CTNNA3: variants seen among roughly 807,000 people sequenced by gnomAD.
The protein encoded by CTNNA3 is catenin alpha 3, also known as catenin alpha-3.
CTNNA3 carries 76 observed loss-of-function variants against 95.7 expected under a neutral mutation model. The ratio of observed to expected loss-of-function variants is 0.79; its 90% CI spans 0.66 to 0.96. CTNNA3 has a LOEUF of 0.96. Among genes scored for constraint, CTNNA3 ranks in the 40% least tolerant of loss-of-function variants. The pLI, the probability that CTNNA3 is intolerant of heterozygous loss-of-function variation, is 0.00. For synonymous variants in CTNNA3, 431 were observed against 374.4 expected (o/e 1.15, Z -1.74); for missense variants, 1,191 against 1,089.8 (o/e 1.09, Z -1.31).
rs975851042 is a variant in CTNNA3, at chr10:67,725,956, A to C, written c.-2+37478T>G. ...ATATAATTATTTTTAGTATATGTATATATAATATATATGTAATATATACTA... is the reference window on the plus strand; with the variant it reads ...ATATAATTATTTTTAGTATATGTATCTATAATATATATGTAATATATACTA... On this transcript the variant is annotated intron_variant, in intron 1 of 17. Coordinates refer to the CTNNA3 transcript ENST00000684154. Among the ~76,000 whole-genome samples the C allele has an allele frequency of 2.3e-5, 3 of 132,928 alleles. No homozygotes were observed. In the East Asian group the frequency reaches 6.2e-4, roughly 28 times the overall value. 87.2% of individuals were successfully genotyped at this position (132,928 alleles called of 152,430 possible). A position where few individuals can be genotyped will look rare whatever the true frequency, so the allele number is the denominator to read the frequency against.
intron 9 of CTNNA3, among the ~76,000 whole-genome samples, chr10:66,653,898 T>G (rs966393071): frequency 6.6e-6 from 1 of 152,074 alleles, no homozygotes; most frequent in Non-Finnish European, 1.5e-5. Flanking sequence ...AATGGATATC[T>G]ACATGCAGAA....
intron 13 of CTNNA3, among the ~76,000 whole-genome samples, chr10:66,121,409 C>T (rs1324595200): frequency 6.6e-6 from 1 of 152,116 alleles, no homozygotes; most frequent in Non-Finnish European, 1.5e-5. Context: ...AAGCTCCAGA[C>T]TTTTAAAATT....
chr10:67,624,394 T>G (rs1843956226), intron 2 of CTNNA3, among the ~76,000 whole-genome samples: 1 of 152,166 alleles, frequency 6.6e-6, no homozygotes, highest in Admixed American at 6.5e-5. Context: ...CCAAGTCCAC[T>G]GAATTTCCCC....
chr10:65,983,029 G>T, intron 16 of CTNNA3, among the ~76,000 whole-genome samples: 1 of 151,512 alleles, frequency 6.6e-6, no homozygotes, highest in Non-Finnish European at 1.5e-5. Context: ...TATACTTGTA[G>T]GTTGTTTTGT....
chr10:67,743,957 A>G (rs981763716), intron 1 of CTNNA3, among the ~76,000 whole-genome samples: 4 of 151,216 alleles, frequency 2.6e-5, no homozygotes, highest in Admixed American at 1.3e-4. Context: ...GATGTGAAAG[A>G]CCTCCTCAAG....
upstream of CTNNA3, among the ~76,000 whole-genome samples, chr10:67,699,285 C>G (rs1841014755): frequency 6.6e-6 from 1 of 152,134 alleles, no homozygotes; most frequent in Non-Finnish European, 1.5e-5. Flanking sequence ...CATAATACTT[C>G]CCAAATGAGT....
At chr10:67,335,058 A>G (rs1841944172) in intron 5 of CTNNA3, among the ~76,000 whole-genome samples, 1 of 152,102 alleles carries the variant, frequency 6.6e-6, no homozygotes, top group African/African-American at 2.4e-5. Flanking sequence ...ACACACATTG[A>G]TGAGAAAAAA....
chr10:67,607,440 A>G (rs1447449922), intron 2 of CTNNA3, among the ~76,000 whole-genome samples: 1 of 152,228 alleles, frequency 6.6e-6, no homozygotes, highest in African/African-American at 2.4e-5. Flanking sequence ...AAAGGTCTTC[A>G]TCCTCATCAT....
chr10:66,374,008 T>C (rs1372193223), intron 12 of CTNNA3, among the ~76,000 whole-genome samples: 1 of 152,202 alleles, frequency 6.6e-6, no homozygotes, highest in Non-Finnish European at 1.5e-5. Context: ...GTTTTCCTCC[T>C]GAATTGGGAT....
At chr10:66,239,392 G>A (rs1320864912) in intron 13 of CTNNA3, among the ~76,000 whole-genome samples, 1 of 151,828 alleles carries the variant, frequency 6.6e-6, no homozygotes. Context: ...CTGCTCCCCA[G>A]TCTGGGGTAT....
intron 5 of CTNNA3, among the ~76,000 whole-genome samples, chr10:67,315,919 TATG>T (rs1244463437): frequency 6.6e-6 from 1 of 152,176 alleles, no homozygotes; most frequent in Non-Finnish European, 1.5e-5. Flanking sequence ...GCTCTGTTCC[TATG>T]ACCATCACTA....
intron 3 of CTNNA3, among the ~76,000 whole-genome samples, chr10:67,562,993 T>G (rs868023076): frequency 1.3e-5 from 2 of 148,530 alleles, no homozygotes; most frequent in African/African-American, 5.1e-5. Context: ...TAAAAGAGGA[T>G]ACAAACAAAT....
chr10:66,010,795 T>C (rs1347947179), intron 15 of CTNNA3, among the ~76,000 whole-genome samples: 4 of 152,174 alleles, frequency 2.6e-5, no homozygotes, highest in Admixed American at 1.3e-4. Context: ...AGGTTTCAGC[T>C]GTGACACACT....
At chr10:66,510,529 G>A (rs1840617320) in intron 11 of CTNNA3, among the ~76,000 whole-genome samples, 1 of 150,212 alleles carries the variant, frequency 6.7e-6, no homozygotes, top group Non-Finnish European at 1.5e-5. Flanking sequence ...TTAGCCATGG[G>A]TTTGTCATAT....
chr10:66,907,963 T>C (rs1004977609), intron 7 of CTNNA3, among the ~76,000 whole-genome samples: 6 of 152,308 alleles, frequency 3.9e-5, no homozygotes, highest in African/African-American at 1.4e-4. Flanking sequence ...ATGTATTTTG[T>C]AGAGAAGTTA....
At chr10:66,685,274 CGTATATATAAGTATATATAT>C (rs1847227878) in intron 9 of CTNNA3, among the ~76,000 whole-genome samples, 1 of 57,156 alleles carries the variant, frequency 1.7e-5, no homozygotes, top group African/African-American at 8.5e-5. Context: ...TGTATATATA[CGTATATATAAGTATATATAT>C]GTGTGTATAT....
At chr10:66,250,256 G>GT (rs895814231) in intron 13 of CTNNA3, among the ~76,000 whole-genome samples, 28 of 152,274 alleles carry the variant, frequency 1.8e-4, no homozygotes, top group African/African-American at 6.7e-4. Flanking sequence ...TAGAAGAATA[G>GT]TTACCAGAAG....
intron 3 of CTNNA3, among the ~76,000 whole-genome samples, chr10:67,593,338 T>C (rs1842841002): frequency 6.6e-6 from 1 of 152,154 alleles, no homozygotes; most frequent in South Asian, 2.1e-4. Flanking sequence ...TATATGTAAA[T>C]TGCTTTAGGC....
chr10:67,209,920 AAAAG>A (rs1864070544), intron 6 of CTNNA3, among the ~76,000 whole-genome samples: 1 of 152,108 alleles, frequency 6.6e-6, no homozygotes. Context: ...GAAAAACAGA[AAAAG>A]AGAGACTAAA....
Sources: gnomAD v4.1 joint callset for allele counts (sites outside exome capture counted in the v4.1 genomes callset) on GRCh38, gnomAD v4.1.1 for gene constraint, MANE v1.5 for transcripts, NCBI Gene and HGNC (gene_info 2026-07-23, HGNC 2026-07-21) for gene names.